The following BEND7 variants were observed in gnomAD, a reference collection of about 807,000 sequenced individuals.
The protein encoded by BEND7 is BEN domain containing 7.
A neutral mutation model predicts 50.9 loss-of-function variants in BEND7; 28 were observed. That is an observed-to-expected ratio of 0.55 (90% CI 0.41 to 0.75). The LOEUF (loss-of-function observed/expected upper bound fraction) is 0.75, where lower values mean the gene tolerates loss of function less well. BEND7 is among the 30% of genes least tolerant of loss of function. The pLI is 0.00. For synonymous variants in BEND7, 170 were observed against 183.9 expected (o/e 0.92, Z 0.61); for missense variants, 477 against 491.3 (o/e 0.97, Z 0.28).
At chr10:13,470,559 C>G (rs2131474649) in intron 6 of BEND7, among the ~76,000 whole-genome samples, 1 of 152,198 alleles carries the variant, frequency 6.6e-6, no homozygotes, top group East Asian at 1.9e-4. Flanking sequence ...TCAAAAAAAG[C>G]CACACCCTTC....
intron 2 of BEND7, among the ~76,000 whole-genome samples, chr10:13,508,740 T>G (rs1156770406): frequency 6.6e-6 from 1 of 152,180 alleles, no homozygotes; most frequent in African/African-American, 2.4e-5. Flanking sequence ...GTACTACTAC[T>G]AAATTATGAG....
In BEND7 at chr10:13,499,575, C is replaced by T. The variant is rs115397224; in HGVS notation, c.448+203G>A. Among the ~76,000 whole-genome samples the T allele has an allele frequency of 6.9e-3, 1,055 of 152,266 alleles. 15 individuals carry two copies. Among genetic ancestry groups the T allele is most frequent in the African/African-American group, 0.023 (963 of 41,536 alleles). Reference sequence around the variant, plus strand: ...GGAAATCTTCACTTATAACATAGAACCCCCTGTCTTTCCTAATTCTCAATT... The same window carrying T: ...GGAAATCTTCACTTATAACATAGAATCCCCTGTCTTTCCTAATTCTCAATT... On this transcript the variant is annotated intron_variant, in intron 3 of 8. Coordinates refer to ENST00000466271, the MANE Select transcript of BEND7 (RefSeq NM_001369863.1).
chr10:13,514,788 A>G (rs1277988696), intron 2 of BEND7, among the ~76,000 whole-genome samples: 1 of 152,240 alleles, frequency 6.6e-6, no homozygotes, highest in East Asian at 1.9e-4. Context: ...AAAATTATCT[A>G]TGTGCAATGA....
intron 6 of BEND7, among the ~76,000 whole-genome samples, chr10:13,474,191 C>T (rs1234019941): frequency 6.6e-6 from 1 of 151,452 alleles, no homozygotes; most frequent in East Asian, 1.9e-4. Flanking sequence ...GGTCAATATC[C>T]ATCATCGCTG....
chr10:13,518,961 C>T (rs2078891342), intron 2 of BEND7, among the ~76,000 whole-genome samples: 1 of 152,110 alleles, frequency 6.6e-6, no homozygotes, highest in South Asian at 2.1e-4. Flanking sequence ...TCACATTTGC[C>T]CTCTAGGATC....
intron 6 of BEND7, among the ~76,000 whole-genome samples, chr10:13,479,095 C>T (rs10906388): frequency 0.53 from 79,877 of 150,774 alleles, 21,973 homozygotes; most frequent in East Asian, 0.75. Context: ...CAGCCTCCGC[C>T]TCCCAGGTTC....
At chr10:13,478,269 A>G (rs1171564893) in intron 6 of BEND7, among the ~76,000 whole-genome samples, 1 of 152,156 alleles carries the variant, frequency 6.6e-6, no homozygotes, top group East Asian at 1.9e-4. Context: ...TTCACAACTG[A>G]GTTCCCTTTG....
chr10:13,501,866 GC>G (rs2077499764), intron 2 of BEND7, among the ~76,000 whole-genome samples: 8 of 151,718 alleles, frequency 5.3e-5, no homozygotes, highest in Admixed American at 5.3e-4. Flanking sequence ...AAAATCTTAG[GC>G]CAGGGTATGT....
intron 2 of BEND7, among the ~76,000 whole-genome samples, chr10:13,515,330 C>T (rs554039099): frequency 6.6e-6 from 1 of 152,318 alleles, no homozygotes; most frequent in South Asian, 2.1e-4. Context: ...TCTCATCACA[C>T]ATTTGGTTAC....
chr10:13,443,416 C>A (rs1835641181), intron 8 of BEND7: 1 of 152,656 alleles, frequency 6.6e-6, no homozygotes, highest in African/African-American at 2.4e-5. Flanking sequence ...ACAACAGAGA[C>A]AAGAAAATGA....
intron 4 of BEND7, among the ~76,000 whole-genome samples, chr10:13,494,029 A>T (rs1055209113): frequency 6.6e-6 from 1 of 152,250 alleles, no homozygotes; most frequent in Non-Finnish European, 1.5e-5. Context: ...AACTAATTGC[A>T]CTACATAAGA....
At chr10:13,525,970 A>G (rs1360844470) in intron 2 of BEND7, among the ~76,000 whole-genome samples, 168 bp downstream of exon 2, 1 of 152,224 alleles carries the variant, frequency 6.6e-6, no homozygotes, top group African/African-American at 2.4e-5. Flanking sequence ...ACTTTTAGCA[A>G]TGTTAATAAG....
intron 2 of BEND7, among the ~76,000 whole-genome samples, chr10:13,509,932 C>G (rs1485063372): frequency 6.6e-6 from 1 of 152,290 alleles, no homozygotes; most frequent in East Asian, 1.9e-4. Flanking sequence ...CTACTTATTT[C>G]TCCTCCAAAT....
At position 13,492,688 on chromosome 10, in the gene BEND7, G is replaced by A. The variant is rs2076748450; in HGVS notation, c.760C>T (p.Gln254Ter). ...SVVASELSALQAAEHTSPEES... is the reference protein window; with the variant it reads ...SVVASELSAL ...TCCGGGGAGGTGTGCTCGGCTGCCT[G>A]GAGAGCAGATAGCTCAGAGGCCACC... Residue 254 changes from glutamine to a stop codon, truncating the protein, a stop_gained, in exon 5 of 9, where the codon CAG (glutamine) becomes TAG (stop). Coordinates refer to ENST00000466271, the MANE Select transcript of BEND7 (RefSeq NM_001369863.1). LOFTEE classifies it high-confidence loss of function. 5 of 1,614,184 alleles carry A rather than the reference G, an allele frequency of 3.1e-6. No homozygotes were observed. Among genetic ancestry groups the A allele is most frequent in the African/African-American group, 1.3e-5 (1 of 75,044 alleles).
chr10:13,500,530 C>T (rs558604018), intron 2 of BEND7: 43 of 990,380 alleles, frequency 4.3e-5, no homozygotes, highest in African/African-American at 1.7e-4. Flanking sequence ...CTTCACCAGG[C>T]GGGGCAAGGA....
intron 2 of BEND7, 142 bp from the exon 3 acceptor site, chr10:13,500,222 C>T (rs774627775): frequency 2.6e-6 from 2 of 778,940 alleles, no homozygotes; most frequent in Non-Finnish European, 3.9e-6. Context: ...CTGTAAAACG[C>T]AAAGGCAGGA....
upstream of BEND7, among the ~76,000 whole-genome samples, chr10:13,529,194 C>CGCCCTG (rs888273110): frequency 6.9e-6 from 1 of 145,692 alleles, no homozygotes; most frequent in Admixed American, 6.8e-5. Flanking sequence ...CGCGGCGCAG[C>CGCCCTG]GCCCTGGCCC....
In BEND7 at chr10:13,441,300, T is replaced by A; in HGVS notation, c.*443A>T. 3 of 976,074 alleles carry A rather than the reference T, an allele frequency of 3.1e-6. No homozygotes were observed. Among genetic ancestry groups the A allele is most frequent in the Non-Finnish European group, 3.7e-6 (3 of 820,198 alleles). 60.5% of individuals were successfully genotyped at this position (976,074 alleles called of 1,614,324 possible). Reference sequence around the variant, plus strand: ...GAGACATTATCCATAGATATGGATTTTTTTTTTGCTAAGAAAGCCTATAAA... The same window carrying A: ...GAGACATTATCCATAGATATGGATTATTTTTTTGCTAAGAAAGCCTATAAA... On this transcript the variant is annotated 3_prime_UTR_variant, in exon 9 of 9. Transcript: ENST00000466271.
At chr10:13,488,711 T>G (rs541641359) in intron 5 of BEND7, among the ~76,000 whole-genome samples, 1 of 152,134 alleles carries the variant, frequency 6.6e-6, no homozygotes, top group African/African-American at 2.4e-5. Flanking sequence ...ACTGTCTCAA[T>G]CTCCTGACCT....
Sources: gnomAD v4.1 joint callset for allele counts (sites outside exome capture counted in the v4.1 genomes callset) on GRCh38, gnomAD v4.1.1 for gene constraint, MANE v1.5 for transcripts, NCBI Gene and HGNC (gene_info 2026-07-23, HGNC 2026-07-21) for gene names.